ADGRF5: variants seen among roughly 807,000 people sequenced by gnomAD.
ADGRF5 encodes G-protein coupled receptor 116.
In ADGRF5, 75 loss-of-function variants were observed where a neutral mutation model predicts 132.3. That is an observed-to-expected ratio of 0.57 (90% confidence interval 0.47 to 0.69). The LOEUF (loss-of-function observed/expected upper bound fraction) is 0.69, where lower values mean the gene tolerates loss of function less well. Among genes scored for constraint, ADGRF5 ranks in the 30% least tolerant of loss-of-function variants. The pLI is 0.00. For synonymous variants in ADGRF5, 629 were observed against 597.6 expected (o/e 1.05, Z -0.77); for missense variants, 1,516 against 1,630.6 (o/e 0.93, Z 1.21).
At position 46,869,010 on chromosome 6, in the gene ADGRF5, G is replaced by A; in HGVS notation, c.1494C>T (p.Asn498=). The A allele has an allele frequency of 6.2e-7, 1 of 1,613,078 alleles. No homozygotes were observed. The highest frequency in any genetic ancestry group is 2.2e-5 in the East Asian group (1 of 44,872). Residue 498 remains asparagine, a synonymous_variant, in exon 12 of 21, where the codon AAC becomes AAT. Transcript: ENST00000283296. ...AAGTGTTCCAATAAACCTCATCATAGTTACTCACATCACTGATGCATTTTA... is the reference window on the plus strand; with the variant it reads ...AAGTGTTCCAATAAACCTCATCATAATTACTCACATCACTGATGCATTTTA... ...FSIKCISDVS[N]YDEVYWNTSA... is the part of the protein sequence containing the mutation.
intron 1 of ADGRF5, chr6:46,908,097 C>T (rs555263201): frequency 6.6e-6 from 1 of 152,318 alleles, no homozygotes; most frequent in African/African-American, 2.4e-5. Context: ...CAGCTGACAA[C>T]TGCCACCTTT....
chr6:46,937,238 GT>G (rs1777878563), intron 1 of ADGRF5, among the ~76,000 whole-genome samples: 5 of 152,016 alleles, frequency 3.3e-5, no homozygotes, highest in African/African-American at 1.2e-4. Flanking sequence ...GTGTGTGTGT[GT>G]GTGTGTGTGT....
chr6:46,889,774 GTGTGTGTATATATA>G (rs1169749317), intron 3 of ADGRF5, among the ~76,000 whole-genome samples: 5 of 91,560 alleles, frequency 5.5e-5, no homozygotes, highest in Admixed American at 5.2e-4. Flanking sequence ...TATATTATGT[GTGTGTGTATATATA>G]TATATATATA....
chr6:46,853,200 C>A lies in ADGRF5; in HGVS notation c.*792G>T, dbSNP rs1768671703. 6.6e-6 allele frequency: 1 copy of A among 152,216 alleles called. No homozygotes were observed. The allele number at this position is 152,216 out of a possible 1,614,324, so 9.4% of individuals were successfully genotyped here. On this transcript the variant is annotated 3_prime_UTR_variant, in exon 21 of 21. Transcript: ENST00000283296. The stretch of plus-strand genomic sequence containing the variant: ...TGCAGATACATTCACTTAGTTCAAA[C>A]CTTAACATACAAAGTTAGTCTCAGG...
chr6:46,915,240 G>A (rs1263147298), intron 1 of ADGRF5, among the ~76,000 whole-genome samples: 1 of 151,988 alleles, frequency 6.6e-6, no homozygotes, highest in East Asian at 1.9e-4. Context: ...TCACAGTTCT[G>A]TGGTTCTACC....
chr6:46,884,555 TATG>T (rs1772848301), intron 4 of ADGRF5, among the ~76,000 whole-genome samples: 1 of 152,188 alleles, frequency 6.6e-6, no homozygotes, highest in Admixed American at 6.5e-5. Flanking sequence ...ACCAGATGTC[TATG>T]ATGATAAGTA....
At chr6:46,949,260 G>C (rs1778407682) in intron 1 of ADGRF5, among the ~76,000 whole-genome samples, 1 of 152,188 alleles carries the variant, frequency 6.6e-6, no homozygotes, top group South Asian at 2.1e-4. Flanking sequence ...AGAAAGCAAA[G>C]GCATGCTGAG....
chr6:46,934,653 T>C (rs995468949), intron 1 of ADGRF5, among the ~76,000 whole-genome samples: 2 of 152,202 alleles, frequency 1.3e-5, no homozygotes, highest in East Asian at 3.8e-4. Context: ...GTGTTTTTAA[T>C]CTACTGTTCA....
At position 46,888,189 on chromosome 6, in the gene ADGRF5, CTG is replaced by C. The variant is rs1318898788; in HGVS notation, c.328+144_328+145del. ...CTGATAGAGGCTTCATTCAGGAAGGCTGTGAAGTCACAGAATCACACATCCGT... is the reference window on the plus strand; with the variant it reads ...CTGATAGAGGCTTCATTCAGGAAGGCTGAAGTCACAGAATCACACATCCGT... On this transcript the variant is annotated intron_variant, in intron 4 of 20. Coordinates refer to ENST00000283296, the MANE Select transcript of ADGRF5 (RefSeq NM_001098518.2). 6.5e-6 allele frequency: 4 copies of C among 614,598 alleles called. No individual in the cohort carries two copies. The Admixed American group carries it at 1.1e-4, about 17-fold the overall frequency. 38.1% of individuals were successfully genotyped at this position (614,598 alleles called of 1,614,324 possible).
rs543934506 is a variant in ADGRF5 at position 46,871,928 on chromosome 6, T to C, written c.1326A>G (p.Gly442=). The C allele has an allele frequency of 6.2e-7, 1 of 1,612,740 alleles. No homozygotes were observed. Among genetic ancestry groups the C allele is most frequent in the East Asian group, 2.2e-5 (1 of 44,842 alleles). Residue 442 remains glycine, a synonymous_variant, in exon 11 of 21, where the codon GGA becomes GGG. Transcript: ENST00000283296. ...ACTCACAAGTGTAGATGACTGTTGT[T>C]CCAGACGACCCGCTTGGGCACTGGG... ...DGTQCPSGSS[G]TTVIYTCEFI...
Position 46,915,288 on chromosome 6 carries a change from T to TTAATAATAATAATAATAATAA in ADGRF5, c.-25+6404_-25+6424dup, listed in dbSNP as rs76660188. 3.2e-3 allele frequency among the ~76,000 whole-genome samples: 486 copies of TTAATAATAATAATAATAATAA among 149,602 alleles called. 1 individual carries two copies. Among genetic ancestry groups the TTAATAATAATAATAATAATAA allele is most frequent in the African/African-American group, 0.011 (442 of 40,538 alleles). On this transcript the variant is annotated intron_variant, in intron 1 of 20. Coordinates refer to ENST00000283296, the MANE Select transcript of ADGRF5 (RefSeq NM_001098518.2). Reference sequence around the variant, plus strand: ...AGCTCCAAAATAATACTTGACTATTTTAATAATAATAATAATAATAATAAT... The same window carrying TTAATAATAATAATAATAATAA: ...AGCTCCAAAATAATACTTGACTATTTTAATAATAATAATAATAATAATAATAATAATAATAATAATAATAAT...
In ADGRF5 at chr6:46,888,423, G is replaced by T; in HGVS notation, c.240C>A (p.Ile80=). 1 of 1,609,542 alleles carries T rather than the reference G, an allele frequency of 6.2e-7. No individual in the cohort carries two copies. The highest frequency in any genetic ancestry group is 8.5e-7 in the Non-Finnish European group (1 of 1,175,850). The change falls in exon 4 of 21, where the codon ATC becomes ATA. Residue 80 remains isoleucine, a synonymous_variant. Coordinates refer to ENST00000283296, the MANE Select transcript of ADGRF5 (RefSeq NM_001098518.2). The part of the protein sequence containing the change: ...SFENASFLDP[I]KAYLNSLSFP... Reference sequence around the variant, plus strand: ...AACTGAGGCTGTTCAAGTAGGCTTTGATAGGATCCAGGAAGGATGCATTTT... The same window carrying T: ...AACTGAGGCTGTTCAAGTAGGCTTTTATAGGATCCAGGAAGGATGCATTTT...
chr6:46,902,539 G>A (rs1774882511), intron 2 of ADGRF5, among the ~76,000 whole-genome samples: 1 of 152,188 alleles, frequency 6.6e-6, no homozygotes, highest in Non-Finnish European at 1.5e-5. Flanking sequence ...CCTGCCCCCA[G>A]TGTGATTCAG....
intron 1 of ADGRF5, among the ~76,000 whole-genome samples, chr6:46,918,327 C>T (rs1397459837): frequency 6.6e-6 from 1 of 152,122 alleles, no homozygotes; most frequent in African/African-American, 2.4e-5. Flanking sequence ...ATCAAGGAGA[C>T]AAACATTGCA....
intron 8 of ADGRF5, 94 bp downstream of exon 8, chr6:46,881,361 T>C: frequency 9.0e-7 from 1 of 1,106,204 alleles, no homozygotes; most frequent in Non-Finnish European, 1.4e-6. Context: ...AACTGGAGTG[T>C]CTAGCTTCCC....
chr6:46,936,415 G>A (rs713389), intron 1 of ADGRF5, among the ~76,000 whole-genome samples: 119,060 of 152,152 alleles, frequency 0.78, 46,705 homozygotes, highest in East Asian at 0.85. Flanking sequence ...TGCCTTCCTC[G>A]AAATATCCCT....
In ADGRF5 at chr6:46,946,352, C is replaced by T. The variant is rs78956353; in HGVS notation, c.-25+8382G>A. Among the ~76,000 whole-genome samples the T allele has an allele frequency of 3.9e-3, 596 of 152,228 alleles. 4 individuals carry two copies. The highest frequency in any genetic ancestry group is 0.014 in the African/African-American group (571 of 41,510). ...GAGTTGGATTTGAGGATACAGAGGTCAAAGAGAATCTTGGCAAAAGCATTT... is the reference window on the plus strand; with the variant it reads ...GAGTTGGATTTGAGGATACAGAGGTTAAAGAGAATCTTGGCAAAAGCATTT... On this transcript the variant is annotated intron_variant, in intron 1 of 20. Coordinates refer to the ADGRF5 transcript ENST00000265417.
rs142669070 is a variant in ADGRF5, at chr6:46,929,055, C to T, written c.-24-22269G>A. On this transcript the variant is annotated intron_variant, in intron 1 of 20. Coordinates refer to the ADGRF5 transcript ENST00000265417. ...GACACATGCACACGTAAGTTTATTG[C>T]GGCACTATTCACAATAGCAAAGACT... Among the ~76,000 whole-genome samples the T allele has an allele frequency of 3.1e-3, 470 of 152,046 alleles. 3 individuals carry two copies. The highest frequency in any genetic ancestry group is 4.7e-3 in the Non-Finnish European group (320 of 68,000).
chr6:46,915,501 C>T (rs1051552119), intron 1 of ADGRF5, among the ~76,000 whole-genome samples: 1 of 152,026 alleles, frequency 6.6e-6, no homozygotes, highest in Non-Finnish European at 1.5e-5. Context: ...CAGTTATTTG[C>T]AATGTGGCTT....
Sources: allele counts gnomAD v4.1 joint callset (sites outside exome capture counted in the v4.1 genomes callset), GRCh38; gene constraint gnomAD v4.1.1; transcripts MANE v1.5; gene names NCBI Gene and HGNC (gene_info 2026-07-23, HGNC 2026-07-21).